Variants in GPC5 observed in about 807,000 individuals in gnomAD.
GPC5 encodes glypican-5.
GPC5 carries 47 observed loss-of-function variants against 53.9 expected under a neutral mutation model. The observed-to-expected ratio is 0.87, with a 90% confidence interval of 0.69 to 1.11. The LOEUF is 1.11. GPC5 is among the 50% of genes most tolerant of loss of function. The pLI is 0.00. For synonymous variants in GPC5, 286 were observed against 263.3 expected (o/e 1.09, Z -0.84); for missense variants, 748 against 713.1 (o/e 1.05, Z -0.56).
At chr13:91,705,554 T>G (rs1426289388) in intron 3 of GPC5, among the ~76,000 whole-genome samples, 1 of 152,188 alleles carries the variant, frequency 6.6e-6, no homozygotes, top group Non-Finnish European at 1.5e-5. Flanking sequence ...ACTCATTTCA[T>G]CAGATCAGCA....
At chr13:91,995,890 A>G (rs2040499235) in intron 6 of GPC5, 1 of 152,182 alleles carries the variant, frequency 6.6e-6, no homozygotes, top group South Asian at 2.1e-4. Flanking sequence ...CAAGACAGAC[A>G]CTGACCTTTG....
At chr13:92,191,416 T>C (rs2042221939) in intron 7 of GPC5, among the ~76,000 whole-genome samples, 1 of 152,170 alleles carries the variant, frequency 6.6e-6, no homozygotes, top group African/African-American at 2.4e-5. Context: ...GAACTCTCAA[T>C]AATTGCTGAC....
At chr13:91,660,284 G>A (rs1332307246) in intron 2 of GPC5, among the ~76,000 whole-genome samples, 2 of 152,142 alleles carry the variant, frequency 1.3e-5, no homozygotes, top group Non-Finnish European at 1.5e-5. Context: ...ACTGGTTGTG[G>A]CAGCTTGTGG....
At chr13:92,713,330 C>T (rs955385794) in intron 7 of GPC5, among the ~76,000 whole-genome samples, 6 of 151,366 alleles carry the variant, frequency 4.0e-5, no homozygotes, top group African/African-American at 1.2e-4. Context: ...TGGTGGCTCA[C>T]GCTTGTAATC....
chr13:92,634,120 C>CA (rs36094717), intron 7 of GPC5, among the ~76,000 whole-genome samples: 51,832 of 151,746 alleles, frequency 0.34, 10,031 homozygotes, highest in Non-Finnish European at 0.45. Context: ...TACGGACTAT[C>CA]TTTTAATGGA....
intron 2 of GPC5, among the ~76,000 whole-genome samples, chr13:91,520,736 A>G (rs940583186): frequency 1.1e-4 from 16 of 144,358 alleles, no homozygotes; most frequent in Admixed American, 3.4e-4. Flanking sequence ...GTGTGTGTGT[A>G]TATATATATA....
rs1434235670 is a variant in GPC5, at chr13:91,643,584, C to T, written c.326-49603C>T. ...TTGCTAGAGCTGCTGTGGCAAAGTG[C>T]CAAAAACTGGGCAGCTTAAACAATA... On this transcript the variant is annotated intron_variant, in intron 2 of 7. Coordinates refer to ENST00000377067, the MANE Select transcript of GPC5 (RefSeq NM_004466.6). 2.6e-5 allele frequency among the ~76,000 whole-genome samples: 4 copies of T among 152,266 alleles called. No individual in the cohort carries two copies. The East Asian group carries it at 7.7e-4, about 29-fold the overall frequency.
chr13:91,475,291 C>T (rs1346774868), intron 2 of GPC5, among the ~76,000 whole-genome samples: 2 of 152,110 alleles, frequency 1.3e-5, no homozygotes, highest in African/African-American at 4.8e-5. Flanking sequence ...TACACTTGAA[C>T]ACAAAGTGAA....
chr13:92,234,721 G>T (rs888477118), intron 7 of GPC5, among the ~76,000 whole-genome samples: 3 of 152,046 alleles, frequency 2.0e-5, no homozygotes, highest in Admixed American at 6.6e-5. Flanking sequence ...GGTGATAAGG[G>T]TTATTTATTT....
intron 6 of GPC5, among the ~76,000 whole-genome samples, chr13:92,033,951 T>C (rs2040873383): frequency 6.6e-6 from 1 of 152,288 alleles, no homozygotes; most frequent in East Asian, 1.9e-4. Flanking sequence ...TGTTTTGTAA[T>C]AACCAATAAT....
intron 7 of GPC5, among the ~76,000 whole-genome samples, chr13:92,439,338 T>C (rs1239116279): frequency 6.6e-6 from 1 of 152,180 alleles, no homozygotes; most frequent in Non-Finnish European, 1.5e-5. Context: ...TTAAGTGGAA[T>C]GGATTTAGTG....
At chr13:91,968,014 C>T (rs577164262) in intron 6 of GPC5, among the ~76,000 whole-genome samples, 1 of 151,964 alleles carries the variant, frequency 6.6e-6, no homozygotes, top group Non-Finnish European at 1.5e-5. Context: ...GACCATTATA[C>T]TTTTTATAAT....
intron 7 of GPC5, among the ~76,000 whole-genome samples, chr13:92,477,074 TAAATAA>T (rs1284917951): frequency 2.3e-5 from 3 of 128,318 alleles, no homozygotes; most frequent in Non-Finnish European, 5.1e-5. Flanking sequence ...AATAAATAAA[TAAATAA>T]AAAGAAAATA....
intron 6 of GPC5, among the ~76,000 whole-genome samples, chr13:92,077,671 G>C (rs1339332253): frequency 2.0e-5 from 3 of 152,158 alleles, no homozygotes; most frequent in Non-Finnish European, 4.4e-5. Flanking sequence ...TGAGTCAACA[G>C]GTTGTACGGT....
chr13:92,569,864 C>T (rs970278740), intron 7 of GPC5, among the ~76,000 whole-genome samples: 3 of 152,162 alleles, frequency 2.0e-5, no homozygotes, highest in Non-Finnish European at 2.9e-5. Flanking sequence ...CTATCAGGAG[C>T]CTGGCTCCTT....
chr13:91,634,360 T>C (rs1423203835), intron 2 of GPC5, among the ~76,000 whole-genome samples: 3 of 152,032 alleles, frequency 2.0e-5, no homozygotes, highest in Non-Finnish European at 1.5e-5. Context: ...GAATGGGGGA[T>C]GGTTAAATAA....
At chr13:92,327,433 T>C (rs1203370644) in intron 7 of GPC5, among the ~76,000 whole-genome samples, 1 of 152,176 alleles carries the variant, frequency 6.6e-6, no homozygotes, top group South Asian at 2.1e-4. Flanking sequence ...GCATGTTCTC[T>C]TAGATATTTT....
chr13:91,969,751 G>A (rs976157544), intron 6 of GPC5, among the ~76,000 whole-genome samples: 1 of 152,054 alleles, frequency 6.6e-6, no homozygotes, highest in South Asian at 2.1e-4. Context: ...TAGCCAACAC[G>A]TTTATGAAAA....
Position 92,548,393 on chromosome 13 carries a change from A to G in GPC5, c.1562-317889A>G, listed in dbSNP as rs190744376. On this transcript the variant is annotated intron_variant, in intron 7 of 7. Coordinates refer to ENST00000377067, the MANE Select transcript of GPC5 (RefSeq NM_004466.6). ...CCTGTATATTAAAAATATAAATTAT[A>G]TAAATATATATGTCAACCAACAAAT... Among the ~76,000 whole-genome samples the G allele has an allele frequency of 2.1e-3, 315 of 151,464 alleles. 1 individual carries two copies. Among genetic ancestry groups the G allele is most frequent in the Non-Finnish European group, 1.5e-3 (102 of 67,806 alleles).
Sources: allele counts gnomAD v4.1 joint callset (sites outside exome capture counted in the v4.1 genomes callset), GRCh38; gene constraint gnomAD v4.1.1; transcripts MANE v1.5; gene names NCBI Gene and HGNC (gene_info 2026-07-23, HGNC 2026-07-21).